The following ENTREP2 variants were observed in gnomAD, a reference collection of about 807,000 sequenced individuals.
ENTREP2 encodes the protein endosomal transmembrane epsin interactor 2.
chr15:29,281,534 G>A, the ENTREP2 span, among the ~76,000 whole-genome samples: 2 of 152,306 alleles, frequency 1.3e-5, no homozygotes, highest in South Asian at 2.1e-4. Flanking sequence ...TCAAGCAGGG[G>A]CAACTGTCTC....
At chr15:29,331,317 A>G in the ENTREP2 span, among the ~76,000 whole-genome samples, 1 of 152,158 alleles carries the variant, frequency 6.6e-6, no homozygotes, top group Admixed American at 6.5e-5. Context: ...ACACACATGA[A>G]GGACCCAGTG....
At chr15:29,580,717 A>G in the ENTREP2 span, among the ~76,000 whole-genome samples, 1 of 152,240 alleles carries the variant, frequency 6.6e-6, no homozygotes. Flanking sequence ...CCTGGCACCC[A>G]TCTTCTAAGT....
At chr15:29,246,259 C>T in the ENTREP2 span, among the ~76,000 whole-genome samples, 2 of 150,952 alleles carry the variant, frequency 1.3e-5, no homozygotes, top group African/African-American at 2.4e-5. Flanking sequence ...GTTGTGGTGG[C>T]ACATGCCTGT....
At chr15:29,444,170 CAAAGAAAGAAAGAAAGA>C in the ENTREP2 span, among the ~76,000 whole-genome samples, 5 of 71,486 alleles carry the variant, frequency 7.0e-5, 1 homozygote, top group African/African-American at 1.7e-4. Context: ...GAAAGACAGA[CAAAGAAAGAAAGAAAGA>C]AAGAAAGAAA....
the ENTREP2 span, among the ~76,000 whole-genome samples, chr15:29,607,564 CT>C: frequency 6.6e-6 from 1 of 152,082 alleles, no homozygotes; most frequent in East Asian, 1.9e-4. Flanking sequence ...TACTTAATGT[CT>C]TTTTCTGAAA....
chr15:29,200,181 T>A, the ENTREP2 span, among the ~76,000 whole-genome samples: 1 of 152,038 alleles, frequency 6.6e-6, no homozygotes, highest in Non-Finnish European at 1.5e-5. Flanking sequence ...TCTCTCCATA[T>A]ACATTTTTTT....
the ENTREP2 span, among the ~76,000 whole-genome samples, chr15:29,127,102 C>T: frequency 1.3e-5 from 2 of 152,198 alleles, no homozygotes; most frequent in African/African-American, 2.4e-5. Flanking sequence ...GGGGTTGAAG[C>T]GAGCCCTCCA....
the ENTREP2 span, among the ~76,000 whole-genome samples, chr15:29,637,208 CCT>C: frequency 2.0e-5 from 3 of 152,152 alleles, no homozygotes; most frequent in Non-Finnish European, 4.4e-5. Flanking sequence ...AAAGCCAGCC[CCT>C]GATTAAATGT....
the ENTREP2 span, among the ~76,000 whole-genome samples, chr15:29,559,768 G>A: frequency 6.6e-6 from 1 of 152,066 alleles, no homozygotes; most frequent in Admixed American, 6.5e-5. Context: ...ACATAATCCA[G>A]GATAGTCTCC....
At chr15:29,174,848 T>G in the ENTREP2 span, among the ~76,000 whole-genome samples, 7 of 152,314 alleles carry the variant, frequency 4.6e-5, no homozygotes, top group African/African-American at 1.7e-4. Flanking sequence ...CACTAAAACC[T>G]TTGACTTGGC....
the ENTREP2 span, among the ~76,000 whole-genome samples, chr15:29,620,245 G>T: frequency 6.6e-6 from 1 of 152,124 alleles, no homozygotes; most frequent in Non-Finnish European, 1.5e-5. Context: ...CAGGTGAATT[G>T]CAGGAGAAGC....
chr15:29,299,809 T>C, the ENTREP2 span, among the ~76,000 whole-genome samples: 2 of 152,246 alleles, frequency 1.3e-5, no homozygotes, highest in East Asian at 3.8e-4. Flanking sequence ...CAGAGCCTAG[T>C]ATATAATAAA....
At chr15:29,143,568 G>C in the ENTREP2 span, among the ~76,000 whole-genome samples, 241 of 152,342 alleles carry the variant, frequency 1.6e-3, 2 homozygotes, top group African/African-American at 5.6e-3. Flanking sequence ...AAGGGCCGTG[G>C]GGGCTGGAGC....
At chr15:29,434,002 G>T in the ENTREP2 span, among the ~76,000 whole-genome samples, 10 of 152,228 alleles carry the variant, frequency 6.6e-5, no homozygotes, top group African/African-American at 2.4e-4. Context: ...CAATTTGTTT[G>T]TCTGTCTACC....
the ENTREP2 span, among the ~76,000 whole-genome samples, chr15:29,599,358 A>G: frequency 0.24 from 37,072 of 152,202 alleles, 4,932 homozygotes; most frequent in African/African-American, 0.34. Context: ...GATGCTCTAA[A>G]GAGACAGACC....
chr15:29,240,364 G>GA, the ENTREP2 span, among the ~76,000 whole-genome samples: 459 of 118,158 alleles, frequency 3.9e-3, 1 homozygote, highest in African/African-American at 6.5e-3. Flanking sequence ...CTCCGTCTCA[G>GA]AAAAAAAAAA....
At chr15:29,154,388 T>C in the ENTREP2 span, among the ~76,000 whole-genome samples, 15 of 152,070 alleles carry the variant, frequency 9.9e-5, no homozygotes, top group African/African-American at 3.6e-4. Flanking sequence ...GTAAACTTGA[T>C]GGAGTTTTAA....
chr15:29,262,466 G>T, the ENTREP2 span, among the ~76,000 whole-genome samples: 1 of 152,198 alleles, frequency 6.6e-6, no homozygotes, highest in Non-Finnish European at 1.5e-5. Flanking sequence ...TCACATTTCT[G>T]CACAGTTGTC....
the ENTREP2 span, chr15:29,613,352 C>T: frequency 9.5e-6 from 3 of 317,402 alleles, no homozygotes; most frequent in Non-Finnish European, 1.9e-5. Flanking sequence ...CACAGTGGAG[C>T]TGAGCTGGTT....
Sources: allele counts gnomAD v4.1 joint callset (sites outside exome capture counted in the v4.1 genomes callset), GRCh38; gene constraint gnomAD v4.1.1; transcripts MANE v1.5; gene names NCBI Gene and HGNC (gene_info 2026-07-23, HGNC 2026-07-21).